The following OXCT1 variants were observed in gnomAD, a reference collection of about 807,000 sequenced individuals.
OXCT1 encodes 3-oxoacid CoA-transferase 1, also known as succinyl-CoA:3-ketoacid coenzyme A transferase 1, mitochondrial.
OXCT1 carries 27 observed loss-of-function variants against 69.6 expected under a neutral mutation model. The ratio of observed to expected loss-of-function variants is 0.39; its 90% CI spans 0.29 to 0.54. The LOEUF (loss-of-function observed/expected upper bound fraction) is 0.54, where lower values mean the gene tolerates loss of function less well. OXCT1 is among the 20% of genes least tolerant of loss of function. The pLI is 0.72. For missense variants in OXCT1, 437 were observed against 650.2 expected (o/e 0.67, Z 3.57); for synonymous variants, 202 against 217.8 (o/e 0.93, Z 0.64).
At chr5:41,805,122 A>G (rs1579773257) in intron 9 of OXCT1, among the ~76,000 whole-genome samples, 1 of 152,080 alleles carries the variant, frequency 6.6e-6, no homozygotes, top group East Asian at 1.9e-4. Flanking sequence ...CAGGGTAATC[A>G]CAGGATCTTT....
At chr5:41,835,733 A>T (rs945974698) in intron 7 of OXCT1, among the ~76,000 whole-genome samples, 4 of 152,200 alleles carry the variant, frequency 2.6e-5, no homozygotes, top group Non-Finnish European at 5.9e-5. Flanking sequence ...TGTCTCGTAA[A>T]CTAGCCATGG....
At chr5:41,767,143 C>A (rs1027029606) in intron 13 of OXCT1, among the ~76,000 whole-genome samples, 1 of 152,102 alleles carries the variant, frequency 6.6e-6, no homozygotes, top group Admixed American at 6.6e-5. Flanking sequence ...AGGTTATAAA[C>A]ACCTTTCTCT....
intron 14 of OXCT1, 53 bp from the exon 15 acceptor site, chr5:41,749,660 A>G: frequency 9.4e-7 from 1 of 1,065,342 alleles, no homozygotes. Context: ...ATTTTTATTT[A>G]GAATTGGCAT....
intron 13 of OXCT1, among the ~76,000 whole-genome samples, chr5:41,778,027 T>C (rs1010729268): frequency 5.3e-5 from 8 of 152,344 alleles, no homozygotes; most frequent in African/African-American, 1.4e-4. Context: ...GCCAAACAGA[T>C]AGTGAATGGC....
intron 7 of OXCT1, among the ~76,000 whole-genome samples, chr5:41,807,784 T>C (rs1049687757): frequency 8.5e-5 from 13 of 152,104 alleles, no homozygotes; most frequent in Non-Finnish European, 1.3e-4. Context: ...TATGCAATGA[T>C]AGCACATTCC....
intron 13 of OXCT1, among the ~76,000 whole-genome samples, chr5:41,767,731 T>TATATATAC (rs1443610144): frequency 2.1e-5 from 2 of 93,092 alleles, no homozygotes; most frequent in African/African-American, 7.4e-5. Context: ...TGTATATATA[T>TATATATAC]ATATATATAT....
chr5:41,753,241 T>C (rs531285435), intron 14 of OXCT1, among the ~76,000 whole-genome samples: 2 of 152,108 alleles, frequency 1.3e-5, no homozygotes, highest in African/African-American at 2.4e-5. Context: ...TCATCTTTTC[T>C]GTTAAGTGCT....
chr5:41,840,476 T>C lies in OXCT1; in HGVS notation c.707A>G (p.Lys236Arg). 3 of 1,613,376 alleles carry C rather than the reference T, an allele frequency of 1.9e-6. No homozygotes were observed. The South Asian group carries it at 3.3e-5, about 18-fold the overall frequency. ...SARNFNLPMC[K>R]AAETTVVEVE... is the part of the protein sequence containing the mutation. ...CTCTACCACTGTGGTTTCTGCAGCT[T>C]TGCACATTGGCAAGTTGAAATTCCT... The change falls in exon 7 of 17, where the codon AAA becomes AGA. Residue 236 changes from lysine to arginine, a missense_variant. By Grantham distance (26) the Lys-to-Arg change is conservative. Transcript: ENST00000196371.
chr5:41,794,323 C>T (rs2112229724), intron 12 of OXCT1: 1 of 596,466 alleles, frequency 1.7e-6, no homozygotes, highest in East Asian at 2.8e-5. Context: ...CACAGGAAGA[C>T]TGTTTCCTTC....
chr5:41,847,241 A>G (rs1046387557), intron 5 of OXCT1, among the ~76,000 whole-genome samples: 11 of 152,048 alleles, frequency 7.2e-5, no homozygotes, highest in Non-Finnish European at 2.9e-5. Context: ...AAGAAGTTGA[A>G]TCTCTGAATA....
intron 13 of OXCT1, among the ~76,000 whole-genome samples, chr5:41,771,162 A>G (rs948695008): frequency 1.3e-5 from 2 of 152,184 alleles, no homozygotes; most frequent in Non-Finnish European, 2.9e-5. Flanking sequence ...TTCTGTTCCT[A>G]GCTATTAATT....
chr5:41,737,443 C>CA (rs144312893), intron 16 of OXCT1, among the ~76,000 whole-genome samples: 27,662 of 150,730 alleles, frequency 0.18, 2,719 homozygotes, highest in Middle Eastern at 0.28. Flanking sequence ...TCTTTTGCTG[C>CA]AAAAAAAAAC....
At chr5:41,843,676 A>G (rs1156529463) in intron 5 of OXCT1, 1 of 446,660 alleles carries the variant, frequency 2.2e-6, no homozygotes, top group Non-Finnish European at 4.5e-6. Context: ...TGAATGTAGA[A>G]CTCCATTCTC....
At chr5:41,861,252 C>G in intron 3 of OXCT1, 62 bp downstream of exon 3, 1 of 1,037,710 alleles carries the variant, frequency 9.6e-7, no homozygotes, top group Non-Finnish European at 1.5e-6. Flanking sequence ...TTGATAAACT[C>G]TGTTTAAATA....
intron 13 of OXCT1, among the ~76,000 whole-genome samples, chr5:41,769,724 TA>T (rs943214521): frequency 2.7e-5 from 4 of 149,594 alleles, no homozygotes; most frequent in Admixed American, 6.7e-5. Context: ...GTGACTCAAG[TA>T]AAAAAAAAAT....
Position 41,762,024 on chromosome 5 carries a change from C to T in OXCT1, c.1338+87G>A. 1 of 868,118 alleles carries T rather than the reference C, an allele frequency of 1.2e-6. No individual in the cohort carries two copies. Among genetic ancestry groups the T allele is most frequent in the Non-Finnish European group, 2.0e-6 (1 of 499,336 alleles). The allele number at this position is 868,118 out of a possible 1,614,324, so 53.8% of individuals were successfully genotyped here. A position where few individuals can be genotyped will look rare whatever the true frequency, so the allele number is the denominator to read the frequency against. On this transcript the variant is annotated intron_variant, in intron 14 of 16. Transcript: ENST00000196371. The surrounding 1 kb of genome is among the most constrained non-coding windows in gnomAD (Gnocchi z 4.0). ...TTGAATGAGCCAGAGAAAATAAAAT[C>T]CACAGTTAGGTGACCTGGTGGTACA...
At chr5:41,749,484 T>A in intron 15 of OXCT1, 43 bp downstream of exon 15, 1 of 1,273,918 alleles carries the variant, frequency 7.8e-7, no homozygotes, top group African/African-American at 1.5e-5. Flanking sequence ...TTTCTAAAAA[T>A]GCTTACTTAA....
At chr5:41,784,437 C>G (rs1299042936) in intron 13 of OXCT1, among the ~76,000 whole-genome samples, 1 of 152,140 alleles carries the variant, frequency 6.6e-6, no homozygotes, top group Admixed American at 6.5e-5. Flanking sequence ...CAACATATAT[C>G]CTTCAAACCA....
At chr5:41,827,562 G>T (rs1747866651) in intron 7 of OXCT1, among the ~76,000 whole-genome samples, 1 of 152,178 alleles carries the variant, frequency 6.6e-6, no homozygotes, top group Admixed American at 6.5e-5. Flanking sequence ...CAAGTGTGAA[G>T]TTCTGAACAC....
Sources: allele counts gnomAD v4.1 joint callset (sites outside exome capture counted in the v4.1 genomes callset), GRCh38; gene constraint gnomAD v4.1.1; non-coding constraint Gnocchi (gnomAD v3.1); transcripts MANE v1.5; gene names NCBI Gene and HGNC (gene_info 2026-07-23, HGNC 2026-07-21).